Variants in PIK3CB observed in about 807,000 individuals in gnomAD.
PIK3CB encodes phosphatidylinositol 4,5-bisphosphate 3-kinase catalytic subunit beta isoform.
PIK3CB carries 39 observed loss-of-function variants against 136.8 expected under a neutral mutation model. The ratio of observed to expected loss-of-function variants is 0.29; its 90% CI spans 0.22 to 0.37. The LOEUF is 0.37. Among genes scored for constraint, PIK3CB ranks in the 10% least tolerant of loss-of-function variants. PIK3CB has a pLI of 1.00. For missense variants in PIK3CB, 868 were observed against 1,275.4 expected (o/e 0.68, Z 4.87); for synonymous variants, 428 against 436.6 (o/e 0.98, Z 0.25).
At chr3:138,670,741 G>T (rs1306376924) in intron 19 of PIK3CB, among the ~76,000 whole-genome samples, 2 of 152,010 alleles carry the variant, frequency 1.3e-5, no homozygotes, top group East Asian at 3.8e-4. Context: ...CCTATTCAAA[G>T]CTACTAATTC....
intron 16 of PIK3CB, among the ~76,000 whole-genome samples, chr3:138,686,202 G>T (rs1409325564): frequency 1.3e-5 from 2 of 151,822 alleles, no homozygotes; most frequent in Non-Finnish European, 2.9e-5. Context: ...ATTTTGGGAA[G>T]CTGAAGTGGG....
intron 17 of PIK3CB, 145 bp from the exon 18 acceptor site, chr3:138,683,932 G>C (rs2043831926): frequency 1.7e-6 from 1 of 581,512 alleles, no homozygotes; most frequent in African/African-American, 1.9e-5. Context: ...AGTCCCACTT[G>C]GTAGAAAAGC....
At chr3:138,743,594 GCT>G (rs1309235771) in intron 4 of PIK3CB, among the ~76,000 whole-genome samples, 1 of 152,050 alleles carries the variant, frequency 6.6e-6, no homozygotes, top group Non-Finnish European at 1.5e-5. Context: ...ACAGAATCTT[GCT>G]CTGTTACCCA....
At chr3:138,774,114 C>T (rs986042207) in intron 2 of PIK3CB, among the ~76,000 whole-genome samples, 32 of 152,164 alleles carry the variant, frequency 2.1e-4, no homozygotes, top group Non-Finnish European at 1.6e-4. Flanking sequence ...TTGCTAATAA[C>T]GCATAAACAA....
chr3:138,693,188 G>C (rs895514132), intron 14 of PIK3CB, among the ~76,000 whole-genome samples: 1 of 152,010 alleles, frequency 6.6e-6, no homozygotes, highest in Non-Finnish European at 1.5e-5. Context: ...CCGCCTCCAG[G>C]GCTCAAGTGA....
chr3:138,779,082 A>G (rs1186650531), intron 2 of PIK3CB, among the ~76,000 whole-genome samples: 1 of 114,086 alleles, frequency 8.8e-6, no homozygotes, highest in African/African-American at 3.4e-5. Context: ...ACTCTATGTC[A>G]TTTCTTTTTT....
intron 2 of PIK3CB, among the ~76,000 whole-genome samples, chr3:138,764,832 C>T (rs546875814): frequency 2.0e-5 from 3 of 152,186 alleles, no homozygotes; most frequent in Non-Finnish European, 4.4e-5. Context: ...TGGAAACCTT[C>T]CCTGATACTC....
chr3:138,680,218 C>T (rs914769006), intron 19 of PIK3CB, among the ~76,000 whole-genome samples: 4 of 151,626 alleles, frequency 2.6e-5, no homozygotes, highest in Non-Finnish European at 5.9e-5. Context: ...ATTAGCCGGG[C>T]GTGGTGGTGG....
chr3:138,751,825 G>A (rs2045477904), intron 4 of PIK3CB, among the ~76,000 whole-genome samples: 1 of 151,918 alleles, frequency 6.6e-6, no homozygotes, highest in South Asian at 2.1e-4. Flanking sequence ...ATAAAAATTA[G>A]CTGGGTGTAG....
chr3:138,755,274 A>G (rs975977312), intron 4 of PIK3CB, among the ~76,000 whole-genome samples: 1 of 152,184 alleles, frequency 6.6e-6, no homozygotes, highest in South Asian at 2.1e-4. Context: ...TTAGTCAAGG[A>G]CTTCTCAAAC....
chr3:138,705,462 T>C (rs1347274148), intron 11 of PIK3CB, among the ~76,000 whole-genome samples: 1 of 152,120 alleles, frequency 6.6e-6, no homozygotes, highest in Non-Finnish European at 1.5e-5. Flanking sequence ...ACGTATATGA[T>C]TCTTGCCATA....
chr3:138,657,128 A>T (rs1352478325), intron 22 of PIK3CB, among the ~76,000 whole-genome samples: 1 of 152,166 alleles, frequency 6.6e-6, no homozygotes, highest in African/African-American at 2.4e-5. Context: ...ACTGAGGTAT[A>T]TTCTGCAGAA....
Position 138,834,788 on chromosome 3 carries a change from C to G in PIK3CB, c.-215G>C, listed in dbSNP as rs1934197704. The G allele has an allele frequency of 6.5e-6, 1 of 153,298 alleles. No homozygotes were observed. The highest frequency in any genetic ancestry group is 2.4e-5 in the African/African-American group (1 of 41,400). The allele number at this position is 153,298 out of a possible 1,614,324, so 9.5% of individuals were successfully genotyped here. On this transcript the variant is annotated 5_prime_UTR_variant, in exon 1 of 24. Transcript: ENST00000674063. ...AACCGCTCCACTCCGGCGCCCCCAT[C>G]CCTGCCTCTCTCGATCACCTCCCGC...
At position 138,655,297 on chromosome 3, in the gene PIK3CB, A is replaced by G. The variant is rs752058706; in HGVS notation, c.*92T>C. 108 of 1,267,410 alleles carry G rather than the reference A, an allele frequency of 8.5e-5. No homozygotes were observed. The highest frequency in any genetic ancestry group is 1.1e-4 in the Non-Finnish European group (97 of 888,668). 78.5% of individuals were successfully genotyped at this position (1,267,410 alleles called of 1,614,324 possible). On this transcript the variant is annotated 3_prime_UTR_variant, in exon 24 of 24. Transcript: ENST00000674063. ...AGTTCCAGGATTTCATTCCCTTTAT[A>G]ACATCTCTAACAGGGTCATGTTCAA... is the stretch of plus-strand genomic sequence containing the variant.
intron 19 of PIK3CB, among the ~76,000 whole-genome samples, chr3:138,669,513 C>T (rs932962640): frequency 2.7e-5 from 4 of 150,320 alleles, no homozygotes; most frequent in Admixed American, 2.7e-4. Context: ...ATTGATTTCA[C>T]ATGTATTTGT....
At chr3:138,759,003 CCAAA>C (rs149584665) in intron 3 of PIK3CB, among the ~76,000 whole-genome samples, 166 bp downstream of exon 3, 2,013 of 152,132 alleles carry the variant, frequency 0.013, 42 homozygotes, top group Middle Eastern at 0.048. Flanking sequence ...TTTTAATAAC[CCAAA>C]CAAACATTTC....
chr3:138,691,088 G>T lies in PIK3CB; in HGVS notation c.1948C>A (p.Pro650Thr), dbSNP rs894906262. ...CTAGAGAGGGCACAATCAAGAAAAG[G>T]CTCATATTTTAACACTTGCACCAGT... ...LQLVQVLKYE[P>T]FLDCALSRFL... The change falls in exon 15 of 24, where the codon CCT becomes ACT. Residue 650 changes from proline to threonine, a missense_variant. Coordinates refer to ENST00000674063, the MANE Select transcript of PIK3CB (RefSeq NM_006219.3). The T allele has an allele frequency of 6.2e-7, 1 of 1,611,978 alleles. No individual in the cohort carries two copies. The highest frequency in any genetic ancestry group is 8.5e-7 in the Non-Finnish European group (1 of 1,178,132).
In PIK3CB at chr3:138,655,387, C is replaced by T. The variant is rs767613338; in HGVS notation, c.*2G>A. The T allele has an allele frequency of 1.2e-5, 19 of 1,613,630 alleles. No individual in the cohort carries two copies. The highest frequency in any genetic ancestry group is 1.4e-5 in the Non-Finnish European group (17 of 1,179,850). ...AAATACATTAGGAGCGAAGGCTGAT[C>T]GTTAAGATCTGTAGTCTTTCCGAAC... On this transcript the variant is annotated 3_prime_UTR_variant, in exon 24 of 24. Transcript: ENST00000674063.
At chr3:138,722,455 T>TAA (rs2044748808) in intron 8 of PIK3CB, among the ~76,000 whole-genome samples, 1 of 152,164 alleles carries the variant, frequency 6.6e-6, no homozygotes, top group South Asian at 2.1e-4. Context: ...CATTTAAATA[T>TAA]AGTTTATGCA....
Sources: allele counts gnomAD v4.1 joint callset (sites outside exome capture counted in the v4.1 genomes callset), GRCh38; gene constraint gnomAD v4.1.1; transcripts MANE v1.5; gene names NCBI Gene and HGNC (gene_info 2026-07-23, HGNC 2026-07-21).